The following RNF141 variants were observed in gnomAD, a reference collection of about 807,000 sequenced individuals.
RNF141 encodes the protein C3HC4-like zinc finger protein.
A neutral mutation model predicts 27.4 loss-of-function variants in RNF141; 18 were observed. The observed-to-expected ratio is 0.66, with a 90% CI of 0.45 to 0.97. RNF141 has a LOEUF of 0.97. RNF141 is among the 50% of genes least tolerant of loss of function. RNF141 has a pLI of 0.00. For missense variants in RNF141, 230 were observed against 279.4 expected, an observed-to-expected ratio of 0.82 and a Z score of 1.26; for synonymous variants, 97 against 96.6, an observed-to-expected ratio of 1.00 and a Z score of -0.02.
chr11:10,529,829 T>A lies in RNF141; in HGVS notation c.252+814A>T, dbSNP rs563933353. 2.1e-3 allele frequency among the ~76,000 whole-genome samples: 325 copies of A among 152,258 alleles called. 1 individual carries two copies. The highest frequency in any genetic ancestry group is 7.4e-3 in the African/African-American group (307 of 41,540). On this transcript the variant is annotated intron_variant, in intron 3 of 5. Coordinates refer to ENST00000265981, the MANE Select transcript of RNF141 (RefSeq NM_016422.4). Reference sequence around the variant, plus strand: ...TCACACTTGTGCTCAAATGTTTATCTGAATAAACTGGAAGCAAAACACAGT... The same window carrying A: ...TCACACTTGTGCTCAAATGTTTATCAGAATAAACTGGAAGCAAAACACAGT...
rs1388624749 is a variant in RNF141 at position 10,513,600 on chromosome 11, T to A, written c.*1316A>T. On this transcript the variant is annotated 3_prime_UTR_variant, in exon 6 of 6. Transcript: ENST00000265981. The stretch of plus-strand genomic sequence containing the variant: ...AAAGAGTATTTCAATGGAAGTACAG[T>A]GAAACAGTAGGAATGCCAAATTATC... 2 of 152,222 alleles carry A rather than the reference T, an allele frequency of 1.3e-5. No individual in the cohort carries two copies. Among genetic ancestry groups the A allele is most frequent in the Non-Finnish European group, 2.9e-5 (2 of 68,030 alleles). The allele number at this position is 152,222 out of a possible 1,614,324, so 9.4% of individuals were successfully genotyped here.
chr11:10,526,512 G>GGT (rs1250903148), intron 3 of RNF141, among the ~76,000 whole-genome samples: 1 of 152,124 alleles, frequency 6.6e-6, no homozygotes, highest in Non-Finnish European at 1.5e-5. Flanking sequence ...GGCCAGGCAC[G>GGT]GTGGCTCATG....
intron 5 of RNF141, chr11:10,515,837 A>G (rs1174414502): frequency 6.6e-6 from 1 of 152,228 alleles, no homozygotes; most frequent in African/African-American, 2.4e-5. Flanking sequence ...AATGGAGCAT[A>G]CAAAGTTAAA....
intron 1 of RNF141, among the ~76,000 whole-genome samples, chr11:10,536,674 G>A (rs1360901988): frequency 2.0e-5 from 3 of 152,136 alleles, no homozygotes; most frequent in African/African-American, 4.8e-5. Context: ...TTGTTGCCCA[G>A]TCTGGTAACA....
chr11:10,530,786 A>T, intron 2 of RNF141, 35 bp from the exon 3 acceptor site: 1 of 1,293,740 alleles, frequency 7.7e-7, no homozygotes, highest in Non-Finnish European at 1.1e-6. Context: ...ATTTTATGAA[A>T]AATCATATAT....
intron 3 of RNF141, among the ~76,000 whole-genome samples, chr11:10,528,560 G>A (rs1423513784): frequency 6.6e-5 from 10 of 152,084 alleles, no homozygotes; most frequent in Admixed American, 3.9e-4. Context: ...AAAAACGAAG[G>A]GATGAAAAGC....
Position 10,512,964 on chromosome 11 carries a change from T to C in RNF141, c.*1952A>G, listed in dbSNP as rs549443382. 6.6e-6 allele frequency: 1 copy of C among 152,348 alleles called. No individual in the cohort carries two copies. The highest frequency in any genetic ancestry group is 2.4e-5 in the African/African-American group (1 of 41,588). 9.4% of individuals were successfully genotyped at this position (152,348 alleles called of 1,614,324 possible). On this transcript the variant is annotated 3_prime_UTR_variant, in exon 6 of 6. Transcript: ENST00000265981. Reference sequence around the variant, plus strand: ...AGGGTATGTGTGTATGCACACGTGTTTAAAGGTTCTGTAAGATTTTCCTTG... The same window carrying C: ...AGGGTATGTGTGTATGCACACGTGTCTAAAGGTTCTGTAAGATTTTCCTTG...
rs1849803649 is a variant in RNF141, at chr11:10,511,951, T to A, written c.*2965A>T. 6.7e-6 allele frequency: 1 copy of A among 149,918 alleles called. No homozygotes were observed. The highest frequency in any genetic ancestry group is 2.4e-5 in the African/African-American group (1 of 41,282). 9.3% of individuals were successfully genotyped at this position (149,918 alleles called of 1,614,324 possible). A position where few individuals can be genotyped will look rare whatever the true frequency, so the allele number is the denominator to read the frequency against. Reference sequence around the variant, plus strand: ...GCTAAAATCACTTGCGAAAGATTATTTATTGCACAATTTATCAGTGGGTAC... The same window carrying A: ...GCTAAAATCACTTGCGAAAGATTATATATTGCACAATTTATCAGTGGGTAC... On this transcript the variant is annotated 3_prime_UTR_variant, in exon 6 of 6. Coordinates refer to ENST00000265981, the MANE Select transcript of RNF141 (RefSeq NM_016422.4).
chr11:10,529,067 G>A (rs1033440953), intron 3 of RNF141, among the ~76,000 whole-genome samples: 4 of 152,202 alleles, frequency 2.6e-5, no homozygotes, highest in Non-Finnish European at 5.9e-5. Flanking sequence ...AGAAACTACT[G>A]GCTGATTATC....
intron 1 of RNF141, among the ~76,000 whole-genome samples, chr11:10,534,677 C>G (rs1850018683): frequency 6.6e-6 from 1 of 152,116 alleles, no homozygotes; most frequent in Non-Finnish European, 1.5e-5. Context: ...ACCTATTTCC[C>G]ATAGACAGGG....
At chr11:10,525,575 A>G (rs1401033259) in intron 3 of RNF141, among the ~76,000 whole-genome samples, 1 of 152,176 alleles carries the variant, frequency 6.6e-6, no homozygotes, top group Non-Finnish European at 1.5e-5. Flanking sequence ...TCTTATACAA[A>G]TTTACCTCAT....
At position 10,514,650 on chromosome 11, in the gene RNF141, T is replaced by C. The variant is rs1259515235; in HGVS notation, c.*266A>G. The C allele has an allele frequency of 3.4e-5, 10 of 297,828 alleles. No individual in the cohort carries two copies. The highest frequency in any genetic ancestry group is 1.9e-4 in the African/African-American group (9 of 46,266). The allele number at this position is 297,828 out of a possible 1,614,324, so 18.4% of individuals were successfully genotyped here. A position where few individuals can be genotyped will look rare whatever the true frequency, so the allele number is the denominator to read the frequency against. ...TGTTGCTGTTACCTTTAGCAAAGAA[T>C]TCAAGAGCTATTAGTTGTAATAATA... On this transcript the variant is annotated 3_prime_UTR_variant, in exon 6 of 6. Transcript: ENST00000265981.
chr11:10,538,868 C>G (rs577787106), intron 1 of RNF141, among the ~76,000 whole-genome samples: 1 of 152,232 alleles, frequency 6.6e-6, no homozygotes, highest in Admixed American at 6.5e-5. Context: ...AAGATACTCC[C>G]CCCTAGGCCA....
Position 10,512,862 on chromosome 11 carries a change from C to T in RNF141, c.*2054G>A, listed in dbSNP as rs546763491. 6.6e-6 allele frequency: 1 copy of T among 152,144 alleles called. No individual in the cohort carries two copies. The highest frequency in any genetic ancestry group is 1.9e-4 in the East Asian group (1 of 5,184). The allele number at this position is 152,144 out of a possible 1,614,324, so 9.4% of individuals were successfully genotyped here. On this transcript the variant is annotated 3_prime_UTR_variant, in exon 6 of 6. Transcript: ENST00000265981. ...ATGCATTAATGTTTTTATTCATTGA[C>T]TTAATCACATTTATAGTATATAAAG...
intron 4 of RNF141, 108 bp downstream of exon 4, chr11:10,525,084 A>AT (rs1489076834): frequency 3.4e-6 from 3 of 879,780 alleles, no homozygotes; most frequent in Non-Finnish European, 5.0e-6. Context: ...CAACTGAGAA[A>AT]AAAAAAAGAT....
intron 4 of RNF141, among the ~76,000 whole-genome samples, chr11:10,519,667 G>A (rs566354532): frequency 1.3e-5 from 2 of 152,006 alleles, no homozygotes; most frequent in African/African-American, 4.8e-5. Context: ...TTACTGTATG[G>A]AACACTGTAG....
intron 2 of RNF141, chr11:10,531,977 T>C (rs1211449753): frequency 6.6e-6 from 3 of 452,140 alleles, no homozygotes; most frequent in Admixed American, 4.8e-5. Context: ...CCCATGGAAA[T>C]TGGTTTTAAG....
chr11:10,539,837 C>T (rs1406317164), intron 1 of RNF141, among the ~76,000 whole-genome samples: 1 of 150,902 alleles, frequency 6.6e-6, no homozygotes, highest in Non-Finnish European at 1.5e-5. Flanking sequence ...TGTAAGAATT[C>T]TCTCTGGACC....
At position 10,541,148 on chromosome 11, in the gene RNF141, G is replaced by C. The variant is rs1485613431; in HGVS notation, c.-74C>G. 6.6e-6 allele frequency: 1 copy of C among 152,380 alleles called. No homozygotes were observed. Among genetic ancestry groups the C allele is most frequent in the African/African-American group, 2.4e-5 (1 of 41,460 alleles). 9.4% of individuals were successfully genotyped at this position (152,380 alleles called of 1,614,324 possible). A position where few individuals can be genotyped will look rare whatever the true frequency, so the allele number is the denominator to read the frequency against. The stretch of plus-strand genomic sequence containing the variant: ...CCAGGTTCAAGGCATCGCGCACCCT[G>C]CGGCAGCGGCTGCGCTGCCTCAGCC... On this transcript the variant is annotated 5_prime_UTR_variant, in exon 1 of 6. Transcript: ENST00000265981.
Sources: allele counts gnomAD v4.1 joint callset (sites outside exome capture counted in the v4.1 genomes callset), GRCh38; gene constraint gnomAD v4.1.1; transcripts MANE v1.5; gene names NCBI Gene and HGNC (gene_info 2026-07-23, HGNC 2026-07-21).